Variants in CACNA2D3 observed in about 807,000 individuals in gnomAD.
The protein encoded by CACNA2D3 is voltage-dependent calcium channel subunit alpha-2/delta-3.
A neutral mutation model predicts 160.6 loss-of-function variants in CACNA2D3; 60 were observed. The ratio of observed to expected loss-of-function variants is 0.37; its 90% CI spans 0.30 to 0.46. The LOEUF is 0.46. CACNA2D3 is among the 20% of genes least tolerant of loss of function. CACNA2D3 has a pLI of 1.00. For missense variants in CACNA2D3, 1,205 were observed against 1,365.0 expected (o/e 0.88, Z 1.85); for synonymous variants, 558 against 492.9 (o/e 1.13, Z -1.75).
intron 34 of CACNA2D3, among the ~76,000 whole-genome samples, chr3:55,012,188 A>G (rs1703225090): frequency 6.6e-6 from 1 of 152,212 alleles, no homozygotes; most frequent in African/African-American, 2.4e-5. Flanking sequence ...ATTTGTCAAC[A>G]GAGGAAACAA....
At chr3:54,784,636 A>G (rs1702599416) in intron 13 of CACNA2D3, among the ~76,000 whole-genome samples, 2 of 152,172 alleles carry the variant, frequency 1.3e-5, no homozygotes, top group Admixed American at 6.5e-5. Flanking sequence ...AAGATGTGAA[A>G]GGTGTAGGGA....
At chr3:54,129,398 T>C (rs1023710712) in intron 2 of CACNA2D3, among the ~76,000 whole-genome samples, 12 of 152,222 alleles carry the variant, frequency 7.9e-5, no homozygotes, top group African/African-American at 2.7e-4. Context: ...ACAACACTCA[T>C]TGGGTGCTCA....
intron 4 of CACNA2D3, among the ~76,000 whole-genome samples, chr3:54,415,804 C>T (rs1699745084): frequency 6.6e-6 from 1 of 152,182 alleles, no homozygotes; most frequent in Non-Finnish European, 1.5e-5. Flanking sequence ...GGATGAATCA[C>T]ACCTAAGTCT....
At chr3:54,479,251 C>A (rs969535556) in intron 4 of CACNA2D3, among the ~76,000 whole-genome samples, 13 of 152,132 alleles carry the variant, frequency 8.5e-5, no homozygotes, top group Non-Finnish European at 1.2e-4. Context: ...TTTCCTGAGG[C>A]CTCTCCAGCC....
At chr3:54,681,316 C>CA (rs1700344016) in intron 11 of CACNA2D3, among the ~76,000 whole-genome samples, 1 of 134,090 alleles carries the variant, frequency 7.5e-6, no homozygotes, top group South Asian at 2.4e-4. Flanking sequence ...GCAGGCAGAT[C>CA]ATTTGAGGTC....
intron 27 of CACNA2D3, among the ~76,000 whole-genome samples, chr3:54,954,992 G>C (rs936640132): frequency 7.2e-5 from 11 of 152,138 alleles, no homozygotes; most frequent in Admixed American, 2.6e-4. Flanking sequence ...CTATGCTTAG[G>C]GAATATGAGA....
At chr3:55,050,767 A>T (rs1704183112) in intron 35 of CACNA2D3, among the ~76,000 whole-genome samples, 1 of 129,810 alleles carries the variant, frequency 7.7e-6, no homozygotes, top group Non-Finnish European at 1.6e-5. Context: ...TGGTCTTTTC[A>T]CATAGTCCCA....
chr3:54,697,962 T>G (rs548095915), intron 11 of CACNA2D3, among the ~76,000 whole-genome samples: 1 of 152,336 alleles, frequency 6.6e-6, no homozygotes, highest in Non-Finnish European at 1.5e-5. Context: ...GTTTTTAAAA[T>G]CATGCACAAT....
intron 2 of CACNA2D3, among the ~76,000 whole-genome samples, chr3:54,263,982 A>C (rs975057124): frequency 6.6e-5 from 10 of 152,170 alleles, no homozygotes; most frequent in African/African-American, 2.4e-4. Context: ...GGAGGAAAAT[A>C]TGCCATCTTG....
chr3:54,174,731 T>C (rs562859785), intron 2 of CACNA2D3, among the ~76,000 whole-genome samples: 8 of 152,336 alleles, frequency 5.3e-5, no homozygotes, highest in Middle Eastern at 3.4e-3. Context: ...TTCACCGTGT[T>C]AGCCAGGATG....
At chr3:54,971,540 C>T (rs986172012) in intron 29 of CACNA2D3, among the ~76,000 whole-genome samples, 1 of 152,072 alleles carries the variant, frequency 6.6e-6, no homozygotes, top group African/African-American at 2.4e-5. Flanking sequence ...TTGGTTGGCT[C>T]ATTGGTTGGT....
At chr3:55,070,638 G>T (rs914136763) in intron 35 of CACNA2D3, among the ~76,000 whole-genome samples, 1 of 152,154 alleles carries the variant, frequency 6.6e-6, no homozygotes, top group Non-Finnish European at 1.5e-5. Context: ...TAGGGCACAG[G>T]TGCAGGTTTA....
At chr3:54,891,227 G>A in intron 24 of CACNA2D3, 128 bp from the exon 25 acceptor site, 1 of 588,092 alleles carries the variant, frequency 1.7e-6, no homozygotes, top group East Asian at 3.1e-5. Context: ...GTGTGTTTCT[G>A]TATCTTCTTT....
intron 3 of CACNA2D3, among the ~76,000 whole-genome samples, chr3:54,323,869 A>C (rs1037116924): frequency 6.6e-6 from 1 of 151,848 alleles, no homozygotes; most frequent in Non-Finnish European, 1.5e-5. Flanking sequence ...CCAAGCCCCC[A>C]TCCCCCTCCC....
intron 11 of CACNA2D3, among the ~76,000 whole-genome samples, chr3:54,655,884 G>T (rs1699868126): frequency 6.6e-6 from 1 of 152,140 alleles, no homozygotes. Context: ...AGACTACCTG[G>T]GTGGGTATCT....
intron 12 of CACNA2D3, among the ~76,000 whole-genome samples, chr3:54,754,157 T>A (rs934953058): frequency 3.3e-5 from 5 of 152,212 alleles, no homozygotes; most frequent in Non-Finnish European, 1.5e-5. Flanking sequence ...ACAAATAGTT[T>A]GGGGACAGCA....
At chr3:54,241,850 G>A (rs1328038239) in intron 2 of CACNA2D3, among the ~76,000 whole-genome samples, 2 of 152,176 alleles carry the variant, frequency 1.3e-5, no homozygotes, top group African/African-American at 4.8e-5. Context: ...CCTTGGGTAA[G>A]TTACTTGAAC....
rs1372528321 is a variant in CACNA2D3 at position 54,857,862 on chromosome 3, A to G, written c.1626+11395A>G. Among the ~76,000 whole-genome samples, 6 of 152,204 alleles carry G rather than the reference A, an allele frequency of 3.9e-5. No individual in the cohort carries two copies. The East Asian group carries it at 1.2e-3, about 29-fold the overall frequency. On this transcript the variant is annotated intron_variant, in intron 17 of 37. Coordinates refer to ENST00000474759, the MANE Select transcript of CACNA2D3 (RefSeq NM_018398.3). ...TCAGGCCCCTGAGCATGTATTCCTA[A>G]CACACCAGCCTGCTTGGAGAATCCA...
intron 17 of CACNA2D3, among the ~76,000 whole-genome samples, chr3:54,862,109 G>T (rs1313227392): frequency 3.3e-5 from 5 of 152,176 alleles, no homozygotes; most frequent in Admixed American, 2.6e-4. Context: ...CATGGCTGGG[G>T]CTTAGAGCAT....
Sources: gnomAD v4.1 joint callset for allele counts (sites outside exome capture counted in the v4.1 genomes callset) on GRCh38, gnomAD v4.1.1 for gene constraint, MANE v1.5 for transcripts, NCBI Gene and HGNC (gene_info 2026-07-23, HGNC 2026-07-21) for gene names.